Variants in TMEM178B observed in about 807,000 individuals in gnomAD.
TMEM178B encodes transmembrane protein 178B.
In TMEM178B, 5 loss-of-function variants were observed where a neutral mutation model predicts 31.0. That is an observed-to-expected ratio of 0.16 (90% CI 0.08 to 0.34). The LOEUF (loss-of-function observed/expected upper bound fraction) is 0.34. TMEM178B is among the 10% of genes least tolerant of loss of function. TMEM178B has a pLI of 1.00. For missense variants in TMEM178B, 275 were observed against 400.3 expected (o/e 0.69, Z 2.67); for synonymous variants, 164 against 164.0 (o/e 1.00, Z 0.00).
intron 1 of TMEM178B, among the ~76,000 whole-genome samples, chr7:141,155,538 A>G (rs918612008): frequency 6.6e-6 from 1 of 152,178 alleles, no homozygotes; most frequent in African/African-American, 2.4e-5. Context: ...GGCTGGCTCC[A>G]GCACATCATC....
At chr7:141,261,904 C>A (rs925931778) in intron 2 of TMEM178B, among the ~76,000 whole-genome samples, 4 of 152,142 alleles carry the variant, frequency 2.6e-5, no homozygotes, top group Admixed American at 1.3e-4. Flanking sequence ...CTGGAAGGAA[C>A]CTTGCTAGGC....
intron 1 of TMEM178B, among the ~76,000 whole-genome samples, chr7:141,110,511 A>G (rs1795216260): frequency 6.6e-6 from 1 of 152,220 alleles, no homozygotes; most frequent in Admixed American, 6.5e-5. Context: ...GGTATGAAGA[A>G]GAGAGGCAGC....
chr7:141,282,009 G>A (rs1446052403), intron 2 of TMEM178B, among the ~76,000 whole-genome samples: 1 of 152,194 alleles, frequency 6.6e-6, no homozygotes, highest in African/African-American at 2.4e-5. Flanking sequence ...TGTATTGGTA[G>A]TTGTGTGAGA....
At position 141,364,502 on chromosome 7, in the gene TMEM178B, T is replaced by C. The variant is rs1266295143; in HGVS notation, c.497-73106T>C. Reference sequence around the variant, plus strand: ...GGTGAAACCCCGTCTCTACCCAAAATACAAAAAATTAGCCGGGCATGGTGG... The same window carrying C: ...GGTGAAACCCCGTCTCTACCCAAAACACAAAAAATTAGCCGGGCATGGTGG... On this transcript the variant is annotated intron_variant, in intron 2 of 3. Transcript: ENST00000565468. Among the ~76,000 whole-genome samples the C allele has an allele frequency of 3.3e-5, 5 of 151,554 alleles. No homozygotes were observed. The East Asian group carries it at 9.7e-4, about 29-fold the overall frequency.
chr7:141,360,612 C>T (rs1347987716), intron 2 of TMEM178B, among the ~76,000 whole-genome samples: 1 of 152,192 alleles, frequency 6.6e-6, no homozygotes, highest in Admixed American at 6.5e-5. Context: ...GACCCAGCAG[C>T]CTAATGTTTC....
At chr7:141,307,450 G>C (rs917599456) in intron 2 of TMEM178B, among the ~76,000 whole-genome samples, 2 of 152,168 alleles carry the variant, frequency 1.3e-5, no homozygotes, top group African/African-American at 4.8e-5. Flanking sequence ...TCACTTGCTG[G>C]GTCCCCTACA....
At chr7:141,258,472 A>G (rs1487184205) in intron 2 of TMEM178B, among the ~76,000 whole-genome samples, 1 of 150,176 alleles carries the variant, frequency 6.7e-6, no homozygotes, top group Non-Finnish European at 1.5e-5. Flanking sequence ...TTAAATAATA[A>G]ATCTTATGCC....
intron 2 of TMEM178B, among the ~76,000 whole-genome samples, chr7:141,389,632 A>G (rs1425141304): frequency 6.6e-6 from 1 of 152,244 alleles, no homozygotes; most frequent in East Asian, 1.9e-4. Context: ...GTCACGAGGC[A>G]GCACCAAGCT....
intron 1 of TMEM178B, among the ~76,000 whole-genome samples, chr7:141,160,162 A>G (rs2129181501): frequency 6.6e-6 from 1 of 151,994 alleles, no homozygotes; most frequent in South Asian, 2.1e-4. Flanking sequence ...TCACCCGAGC[A>G]GTGTACGCTG....
intron 1 of TMEM178B, among the ~76,000 whole-genome samples, chr7:141,149,035 G>C (rs1026355516): frequency 6.6e-6 from 1 of 152,156 alleles, no homozygotes; most frequent in East Asian, 1.9e-4. Flanking sequence ...GGTTGGGAGA[G>C]GCTGTGAGGA....
At chr7:141,112,334 C>A (rs1271496651) in intron 1 of TMEM178B, among the ~76,000 whole-genome samples, 1 of 152,134 alleles carries the variant, frequency 6.6e-6, no homozygotes, top group Non-Finnish European at 1.5e-5. Context: ...CTCACTGTAG[C>A]CTTGATTTCC....
rs369839984 is a variant in TMEM178B at position 141,203,347 on chromosome 7, A to T, written c.383-9244A>T. 4.6e-5 allele frequency among the ~76,000 whole-genome samples: 7 copies of T among 152,258 alleles called. No homozygotes were observed. In the South Asian group the frequency reaches 1.5e-3, roughly 32 times the overall value. On this transcript the variant is annotated intron_variant, in intron 1 of 3. Transcript: ENST00000565468. ...CTAAGAACTGTCAGCCCATTGGGTG[A>T]GACAGCGTCAAGTCCTAAAGGCTGA...
chr7:141,110,846 G>T (rs369600477), intron 1 of TMEM178B, among the ~76,000 whole-genome samples: 39 of 152,274 alleles, frequency 2.6e-4, no homozygotes, highest in African/African-American at 7.9e-4. Flanking sequence ...TGGTCTCCTT[G>T]TAAGAAGAGA....
At chr7:141,500,999 T>C in the TMEM178B span, among the ~76,000 whole-genome samples, 183 of 152,348 alleles carry the variant, frequency 1.2e-3, no homozygotes, top group African/African-American at 4.2e-3. Flanking sequence ...ATATGTATTT[T>C]ATCCGTGTTG....
chr7:141,159,214 C>T (rs1796126274), intron 1 of TMEM178B, among the ~76,000 whole-genome samples: 1 of 152,064 alleles, frequency 6.6e-6, no homozygotes, highest in African/African-American at 2.4e-5. Context: ...CTTCTAGCTG[C>T]AGTAGTCTCC....
At chr7:141,504,408 G>C in the TMEM178B span, among the ~76,000 whole-genome samples, 8 of 152,080 alleles carry the variant, frequency 5.3e-5, no homozygotes, top group African/African-American at 1.9e-4. Context: ...GTCATTTTAT[G>C]TATATCTGTC....
chr7:141,486,990 G>C, the TMEM178B span, among the ~76,000 whole-genome samples: 3 of 152,068 alleles, frequency 2.0e-5, no homozygotes, highest in Admixed American at 1.3e-4. Context: ...GCACTCTAGG[G>C]ACACAGATGC....
chr7:141,402,272 C>G (rs1257829146), intron 2 of TMEM178B, among the ~76,000 whole-genome samples: 1 of 152,204 alleles, frequency 6.6e-6, no homozygotes, highest in African/African-American at 2.4e-5. Context: ...TGAGGAAGCT[C>G]CTTTGCACCT....
intron 2 of TMEM178B, among the ~76,000 whole-genome samples, chr7:141,226,419 A>G (rs1797342865): frequency 6.6e-6 from 1 of 152,140 alleles, no homozygotes; most frequent in South Asian, 2.1e-4. Context: ...TGCCATCAGT[A>G]CCTACTCAGA....
Sources: allele counts gnomAD v4.1 joint callset (sites outside exome capture counted in the v4.1 genomes callset), GRCh38; gene constraint gnomAD v4.1.1; transcripts MANE v1.5; gene names NCBI Gene and HGNC (gene_info 2026-07-23, HGNC 2026-07-21).